PKNOX2: variants seen among roughly 807,000 people sequenced by gnomAD.
PKNOX2 encodes the protein homeobox protein PKNOX2.
In PKNOX2, 14 loss-of-function variants were observed where a neutral mutation model predicts 53.1. The observed-to-expected ratio is 0.26, with a 90% CI of 0.17 to 0.41. The LOEUF (loss-of-function observed/expected upper bound fraction) is 0.41, where lower values mean the gene tolerates loss of function less well. Among genes scored for constraint, PKNOX2 ranks in the 10% least tolerant of loss-of-function variants. The pLI, the probability that PKNOX2 is intolerant of heterozygous loss-of-function variation, is 1.00. For synonymous variants in PKNOX2, 257 were observed against 242.8 expected (o/e 1.06, Z -0.54); for missense variants, 496 against 602.8 (o/e 0.82, Z 1.85).
At chr11:125,186,048 T>C (rs1459612210) in intron 1 of PKNOX2, among the ~76,000 whole-genome samples, 2 of 118,500 alleles carry the variant, frequency 1.7e-5, no homozygotes, top group Non-Finnish European at 3.7e-5. Context: ...TGTTATTCTC[T>C]GTTTTTTTTT....
intron 2 of PKNOX2, among the ~76,000 whole-genome samples, chr11:125,271,637 C>G (rs1218967878): frequency 2.0e-5 from 3 of 152,150 alleles, no homozygotes; most frequent in Non-Finnish European, 4.4e-5. Flanking sequence ...GATTTCAGTT[C>G]TGTCTAGACC....
chr11:125,306,192 C>A (rs1423881172), intron 2 of PKNOX2, among the ~76,000 whole-genome samples: 1 of 151,764 alleles, frequency 6.6e-6, no homozygotes, highest in East Asian at 1.9e-4. Flanking sequence ...ACCTGCCCGG[C>A]GGCAGGTGGC....
chr11:125,199,563 G>A (rs1289497068), intron 1 of PKNOX2, among the ~76,000 whole-genome samples: 4 of 152,218 alleles, frequency 2.6e-5, no homozygotes, highest in Non-Finnish European at 5.9e-5. Flanking sequence ...TCCTGGGTTG[G>A]CCAGGTGCTG....
At chr11:125,318,606 T>C (rs888825546) in intron 2 of PKNOX2, among the ~76,000 whole-genome samples, 1 of 152,228 alleles carries the variant, frequency 6.6e-6, no homozygotes, top group Non-Finnish European at 1.5e-5. Flanking sequence ...CTATCACGTG[T>C]TCACTGGAGT....
intron 6 of PKNOX2, among the ~76,000 whole-genome samples, chr11:125,397,272 C>T (rs967047231): frequency 5.3e-5 from 8 of 152,202 alleles, no homozygotes; most frequent in Non-Finnish European, 8.8e-5. Flanking sequence ...CACAGAGCGT[C>T]CACAAGGTAA....
At chr11:125,425,957 C>T (rs1352777887) in intron 10 of PKNOX2, among the ~76,000 whole-genome samples, 3 of 152,144 alleles carry the variant, frequency 2.0e-5, no homozygotes, top group Non-Finnish European at 2.9e-5. Context: ...TTGCACCAGG[C>T]GGTGGTTAGG....
At position 125,386,373 on chromosome 11, in the gene PKNOX2, T is replaced by G. The variant is rs57205809; in HGVS notation, c.399+651T>G. ...TGAATCTGCATTTTAAAAAGTTTCC[T>G]GGGCAGTTGCAATTGTCATTAGGTT... is the stretch of plus-strand genomic sequence containing the variant. On this transcript the variant is annotated intron_variant, in intron 6 of 12. Coordinates refer to ENST00000298282, the MANE Select transcript of PKNOX2 (RefSeq NM_001382323.2). Among the ~76,000 whole-genome samples, 35 of 152,340 alleles carry G rather than the reference T, an allele frequency of 2.3e-4. 1 individual carries two copies. The East Asian group carries it at 6.5e-3, about 29-fold the overall frequency.
In PKNOX2 at chr11:125,207,111, C is replaced by A. The variant is rs182877220; in HGVS notation, c.-200-27934C>A. On this transcript the variant is annotated intron_variant, in intron 1 of 12. Coordinates refer to ENST00000298282, the MANE Select transcript of PKNOX2 (RefSeq NM_001382323.2). ...CAGGGAGACTTCCAAGTTTTGACCT[C>A]ATTCTAGGGGGGTGGTGGTTCAACA... Among the ~76,000 whole-genome samples the A allele has an allele frequency of 1.3e-3, 204 of 151,718 alleles. 4 individuals are homozygous for A. In the Middle Eastern group the frequency reaches 0.014, roughly 10 times the overall value.
intron 1 of PKNOX2, among the ~76,000 whole-genome samples, chr11:125,197,685 G>C (rs1189886459): frequency 6.6e-6 from 1 of 152,086 alleles, no homozygotes; most frequent in Admixed American, 6.5e-5. Flanking sequence ...AAAAAACACA[G>C]CTGAGGCTCT....
intron 2 of PKNOX2, among the ~76,000 whole-genome samples, chr11:125,309,816 T>C (rs1242319093): frequency 6.6e-6 from 1 of 152,242 alleles, no homozygotes; most frequent in Non-Finnish European, 1.5e-5. Flanking sequence ...TTTATTTCAG[T>C]GTGTGGAATG....
chr11:125,381,295 G>A (rs1269804931), intron 5 of PKNOX2, among the ~76,000 whole-genome samples: 2 of 152,164 alleles, frequency 1.3e-5, no homozygotes, highest in Non-Finnish European at 2.9e-5. Flanking sequence ...AGCATGGGGA[G>A]GCTGGGGTAG....
At chr11:125,241,077 C>T (rs945236812) in intron 2 of PKNOX2, among the ~76,000 whole-genome samples, 3 of 152,170 alleles carry the variant, frequency 2.0e-5, no homozygotes, top group African/African-American at 7.2e-5. Flanking sequence ...TGGTTCTTTG[C>T]TATCCACAGG....
chr11:125,369,951 C>T (rs1221942529), intron 5 of PKNOX2, among the ~76,000 whole-genome samples: 1 of 152,134 alleles, frequency 6.6e-6, no homozygotes, highest in African/African-American at 2.4e-5. Context: ...AATGCAGGCT[C>T]TTAAGGCTCA....
chr11:125,402,542 G>T (rs545001501), intron 7 of PKNOX2, among the ~76,000 whole-genome samples: 1 of 152,148 alleles, frequency 6.6e-6, no homozygotes, highest in Non-Finnish European at 1.5e-5. Context: ...GGCACTCACT[G>T]TATGTTCTGT....
At position 125,165,915 on chromosome 11, in the gene PKNOX2, TC is replaced by T. The variant is rs1444582292; in HGVS notation, c.-201+1143del. 6.6e-6 allele frequency among the ~76,000 whole-genome samples: 1 copy of T among 152,030 alleles called. No individual in the cohort carries two copies. Among genetic ancestry groups the T allele is most frequent in the Non-Finnish European group, 1.5e-5 (1 of 68,014 alleles). ...GGAGACGGGCTTTCCTGGCTCCCGA[TC>T]CCCAGGAAGAAACGAGCGAAATGGG... On this transcript the variant is annotated intron_variant, in intron 1 of 12. Coordinates refer to ENST00000298282, the MANE Select transcript of PKNOX2 (RefSeq NM_001382323.2). The surrounding 1 kb of genome is among the most constrained non-coding windows in gnomAD (Gnocchi z 4.5).
chr11:125,416,219 C>T (rs1158674463), intron 10 of PKNOX2, among the ~76,000 whole-genome samples: 11 of 139,808 alleles, frequency 7.9e-5, no homozygotes, highest in East Asian at 4.4e-4. Flanking sequence ...AGGAGAATGG[C>T]GTGAACCCGG....
intron 2 of PKNOX2, among the ~76,000 whole-genome samples, chr11:125,280,723 G>A (rs1252267492): frequency 1.3e-5 from 2 of 152,208 alleles, no homozygotes; most frequent in Non-Finnish European, 2.9e-5. Context: ...CCGGTGTGGA[G>A]TTCCCCCAAG....
At chr11:125,274,751 G>C (rs912411884) in intron 2 of PKNOX2, among the ~76,000 whole-genome samples, 4 of 152,200 alleles carry the variant, frequency 2.6e-5, no homozygotes, top group Non-Finnish European at 4.4e-5. Flanking sequence ...ACCTTGGAAG[G>C]CTGAATGACC....
chr11:125,351,378 C>T lies in PKNOX2; in HGVS notation c.73C>T (p.Gln25Ter). The change falls in exon 4 of 13, where the codon CAG becomes TAG. Residue 25 changes from glutamine (Q) to a stop codon, truncating the protein, a stop_gained. Transcript: ENST00000298282. LOFTEE classifies it high-confidence loss of function. ...GCAGAATGTCCCGCCCCCACCCTAC[C>T]AGGACAGCCCACAGGTGAGTGCGCA... is the stretch of plus-strand genomic sequence containing the variant. ...ATQNVPPPPY[Q>*]DSPQMTATAQ... The T allele has an allele frequency of 6.2e-7, 1 of 1,602,506 alleles. No homozygotes were observed. Among genetic ancestry groups the T allele is most frequent in the Non-Finnish European group, 8.5e-7 (1 of 1,171,216 alleles).
Sources: allele counts gnomAD v4.1 joint callset (sites outside exome capture counted in the v4.1 genomes callset), GRCh38; gene constraint gnomAD v4.1.1; non-coding constraint Gnocchi (gnomAD v3.1); transcripts MANE v1.5; gene names NCBI Gene and HGNC (gene_info 2026-07-23, HGNC 2026-07-21).